The following AFF3 variants were observed in gnomAD, a reference collection of about 807,000 sequenced individuals.
AFF3 encodes the protein AF4/FMR2 family member 3.
A neutral mutation model predicts 129.7 loss-of-function variants in AFF3; 32 were observed. That is an observed-to-expected ratio of 0.25 (90% CI 0.19 to 0.33). The LOEUF is 0.33. Among genes scored for constraint, AFF3 ranks in the 10% least tolerant of loss-of-function variants. AFF3 has a pLI of 1.00. For missense variants in AFF3, 1,373 were observed against 1,592.0 expected (o/e 0.86, Z 2.34); for synonymous variants, 644 against 635.4 (o/e 1.01, Z -0.20).
chr2:100,002,348 T>C (rs990061973), intron 7 of AFF3, among the ~76,000 whole-genome samples: 3 of 152,202 alleles, frequency 2.0e-5, no homozygotes, highest in African/African-American at 7.2e-5. Flanking sequence ...CTGTGAACTT[T>C]AGAAAAAATC....
At chr2:99,937,452 T>C (rs148136149) in intron 7 of AFF3, among the ~76,000 whole-genome samples, 1 of 152,128 alleles carries the variant, frequency 6.6e-6, no homozygotes, top group African/African-American at 2.4e-5. Flanking sequence ...CAGGCTGGAG[T>C]GGAGTGAGCG....
intron 2 of AFF3, among the ~76,000 whole-genome samples, chr2:100,126,249 C>T (rs745920356): frequency 1.3e-5 from 2 of 152,124 alleles, no homozygotes; most frequent in African/African-American, 4.8e-5. Flanking sequence ...CAGAGAAACA[C>T]GATCAGGACA....
intron 8 of AFF3, among the ~76,000 whole-genome samples, chr2:99,769,132 C>T (rs1683258618): frequency 6.6e-6 from 1 of 152,122 alleles, no homozygotes; most frequent in South Asian, 2.1e-4. Flanking sequence ...TTAGACTTGC[C>T]CTTTAGAGGC....
intron 10 of AFF3, among the ~76,000 whole-genome samples, chr2:99,740,615 T>G (rs1680643143): frequency 6.6e-6 from 1 of 152,074 alleles, no homozygotes; most frequent in Non-Finnish European, 1.5e-5. Flanking sequence ...TGTCTTCTTT[T>G]GAGAAGTGTC....
chr2:99,906,095 A>G (rs1005219273), intron 7 of AFF3, among the ~76,000 whole-genome samples: 1 of 152,226 alleles, frequency 6.6e-6, no homozygotes, highest in Non-Finnish European at 1.5e-5. Flanking sequence ...ATTTTTAGGC[A>G]TTCTTACATT....
rs557418935 is a variant in AFF3 at position 99,783,451 on chromosome 2, G to A, written c.922-31150C>T. Among the ~76,000 whole-genome samples, 3 of 152,300 alleles carry A rather than the reference G, an allele frequency of 2.0e-5. No homozygotes were observed. In the South Asian group the frequency reaches 6.2e-4, roughly 32 times the overall value. ...CCAGTGGCTGTGCTGCAGTGTGAGG[G>A]AACTCATCCATCTCAGGAACTCTGG... On this transcript the variant is annotated intron_variant, in intron 8 of 24. Transcript: ENST00000672756.
intron 13 of AFF3, among the ~76,000 whole-genome samples, chr2:99,629,456 G>C (rs1283388728): frequency 6.6e-6 from 1 of 152,170 alleles, no homozygotes; most frequent in East Asian, 1.9e-4. Context: ...TAACCAGGGA[G>C]GTGAAGGACC....
intron 7 of AFF3, among the ~76,000 whole-genome samples, chr2:99,868,687 A>G (rs978353184): frequency 2.0e-5 from 3 of 152,210 alleles, no homozygotes; most frequent in Non-Finnish European, 4.4e-5. Context: ...TCAAAGAGGA[A>G]AAGAGGATAA....
At chr2:100,106,460 T>C in intron 2 of AFF3, 1 of 1,026,588 alleles carries the variant, frequency 9.7e-7, no homozygotes, top group Admixed American at 5.1e-5. Flanking sequence ...AGAAAATCTG[T>C]CTTTCTAATA....
intron 12 of AFF3, among the ~76,000 whole-genome samples, chr2:99,663,371 A>G (rs1433331703): frequency 2.0e-5 from 3 of 152,236 alleles, no homozygotes; most frequent in African/African-American, 7.2e-5. Flanking sequence ...GCTCAGAGCA[A>G]CCTCACCTAC....
Position 99,746,863 on chromosome 2 carries a change from T to C in AFF3, c.1003-2723A>G, listed in dbSNP as rs114993059. Among the ~76,000 whole-genome samples the C allele has an allele frequency of 5.3e-3, 807 of 151,812 alleles. 4 individuals are homozygous for C. Among genetic ancestry groups the C allele is most frequent in the African/African-American group, 0.018 (751 of 41,374 alleles). ...CTCTGCTGTCTGTAGATCTGGGCCA[T>C]TTGGTGGCATCTGTACTAGGGAGGG... On this transcript the variant is annotated intron_variant, in intron 9 of 24. Coordinates refer to ENST00000672756, the MANE Select transcript of AFF3 (RefSeq NM_001386135.1).
chr2:99,647,044 T>C (rs1474891157), intron 13 of AFF3, among the ~76,000 whole-genome samples: 1 of 152,182 alleles, frequency 6.6e-6, no homozygotes, highest in Admixed American at 6.5e-5. Flanking sequence ...GCTTGTACAC[T>C]GTTGGTGGGA....
At chr2:99,702,426 G>A (rs188268299) in intron 11 of AFF3, among the ~76,000 whole-genome samples, 14 of 152,196 alleles carry the variant, frequency 9.2e-5, no homozygotes, top group Admixed American at 8.5e-4. Flanking sequence ...CACAACCTCC[G>A]CCTCCCAGGT....
intron 11 of AFF3, among the ~76,000 whole-genome samples, chr2:99,719,403 T>C (rs137993577): frequency 1.1e-3 from 165 of 152,278 alleles, no homozygotes; most frequent in African/African-American, 3.8e-3. Context: ...TGATGGGATA[T>C]TGTATGATAT....
chr2:99,957,049 G>C (rs1178154762), intron 7 of AFF3, among the ~76,000 whole-genome samples: 1 of 152,248 alleles, frequency 6.6e-6, no homozygotes, highest in Non-Finnish European at 1.5e-5. Context: ...GGGTTATGAA[G>C]ATAACATACA....
At position 99,565,458 on chromosome 2, in the gene AFF3, C is replaced by G. The variant is rs141923614; in HGVS notation, c.3119+29G>C. The G allele has an allele frequency of 7.0e-4, 1,125 of 1,607,828 alleles. 5 individuals are homozygous for G. In the African/African-American group the frequency reaches 0.013, roughly 18 times the overall value. Reference sequence around the variant, plus strand: ...CTTCCACACATTCCTCACTCCTCCCCTCATCCAGCAAGAAAACACGGTGCT... The same window carrying G: ...CTTCCACACATTCCTCACTCCTCCCGTCATCCAGCAAGAAAACACGGTGCT... On this transcript the variant is annotated intron_variant, in intron 20 of 24. Transcript: ENST00000672756.
At chr2:99,668,247 C>T (rs188638659) in intron 12 of AFF3, among the ~76,000 whole-genome samples, 18 of 151,988 alleles carry the variant, frequency 1.2e-4, no homozygotes, top group East Asian at 2.0e-4. Flanking sequence ...TCATAGCTCA[C>T]GGCAATCTCA....
intron 4 of AFF3, among the ~76,000 whole-genome samples, chr2:100,051,233 T>G (rs892500298): frequency 6.6e-6 from 1 of 152,130 alleles, no homozygotes; most frequent in African/African-American, 2.4e-5. Flanking sequence ...CAGCCCTGGA[T>G]GAAACCCCTG....
intron 7 of AFF3, among the ~76,000 whole-genome samples, chr2:99,960,832 C>T (rs1559012942): frequency 6.6e-6 from 1 of 152,138 alleles, no homozygotes. Flanking sequence ...TCCAGGACTC[C>T]TAGAGCACTG....
Sources: gnomAD v4.1 joint callset for allele counts (sites outside exome capture counted in the v4.1 genomes callset) on GRCh38, gnomAD v4.1.1 for gene constraint, MANE v1.5 for transcripts, NCBI Gene and HGNC (gene_info 2026-07-23, HGNC 2026-07-21) for gene names.